HHAT: variants seen among roughly 807,000 people sequenced by gnomAD.
HHAT encodes the protein hedgehog acyltransferase.
HHAT carries 47 observed loss-of-function variants against 70.8 expected under a neutral mutation model. The ratio of observed to expected loss-of-function variants is 0.66; its 90% confidence interval spans 0.53 to 0.85. The LOEUF is 0.85. Among genes scored for constraint, HHAT ranks in the 40% least tolerant of loss-of-function variants. The pLI is 0.00. For synonymous variants in HHAT, 228 were observed against 247.6 expected (o/e 0.92, Z 0.74); for missense variants, 609 against 604.8 (o/e 1.01, Z -0.07).
chr1:210,462,625 T>A (rs2094002454), intron 7 of HHAT: 1 of 152,280 alleles, frequency 6.6e-6, no homozygotes, highest in Admixed American at 6.5e-5. Flanking sequence ...GTAGTCTGAT[T>A]TCCAAAAGTC....
intron 10 of HHAT, among the ~76,000 whole-genome samples, chr1:210,599,281 A>T (rs1449040754): frequency 3.3e-5 from 5 of 152,194 alleles, no homozygotes; most frequent in Non-Finnish European, 5.9e-5. Context: ...GCTCTAGAAC[A>T]TACCCCCACT....
At chr1:210,570,334 A>G (rs1199044139) in intron 9 of HHAT, among the ~76,000 whole-genome samples, 1 of 152,134 alleles carries the variant, frequency 6.6e-6, no homozygotes, top group African/African-American at 2.4e-5. Context: ...CTTACTCCCA[A>G]GGGGACTTTG....
At chr1:210,545,843 A>C (rs1408775374) in intron 9 of HHAT, among the ~76,000 whole-genome samples, 1 of 152,088 alleles carries the variant, frequency 6.6e-6, no homozygotes, top group African/African-American at 2.4e-5. Flanking sequence ...ACAGCTTTTC[A>C]TTTATTTCTG....
chr1:210,466,095 A>C (rs948324988), intron 8 of HHAT, among the ~76,000 whole-genome samples: 5 of 149,318 alleles, frequency 3.3e-5, no homozygotes, highest in Non-Finnish European at 7.4e-5. Flanking sequence ...AATGAATTGC[A>C]AGGAATTGCA....
intron 8 of HHAT, among the ~76,000 whole-genome samples, chr1:210,466,102 T>TGCAAGGAATCGCAAGGAATC (rs552560470): frequency 6.7e-6 from 1 of 148,258 alleles, no homozygotes; most frequent in Non-Finnish European, 1.5e-5. Flanking sequence ...TGCAAGGAAT[T>TGCAAGGAATCGCAAGGAATC]GCAAGGAATC....
chr1:210,665,019 C>T (rs933120788), intron 11 of HHAT, among the ~76,000 whole-genome samples: 1 of 152,142 alleles, frequency 6.6e-6, no homozygotes, highest in Non-Finnish European at 1.5e-5. Flanking sequence ...TTCTACTTCC[C>T]CATTGGATAT....
intron 10 of HHAT, among the ~76,000 whole-genome samples, chr1:210,619,818 C>A (rs180895616): frequency 6.6e-6 from 1 of 152,104 alleles, no homozygotes; most frequent in African/African-American, 2.4e-5. Flanking sequence ...GAGAAGAGAC[C>A]GGGACCAGAC....
At chr1:210,416,537 T>C (rs2092726098) in intron 6 of HHAT, among the ~76,000 whole-genome samples, 2 of 152,194 alleles carry the variant, frequency 1.3e-5, no homozygotes, top group Admixed American at 6.5e-5. Flanking sequence ...CCAGCATGTT[T>C]ATGAATTCTA....
intron 9 of HHAT, among the ~76,000 whole-genome samples, chr1:210,567,110 G>T (rs1253704809): frequency 6.6e-6 from 1 of 152,200 alleles, no homozygotes; most frequent in South Asian, 2.1e-4. Flanking sequence ...AACAGAGGAT[G>T]CACATCCCTG....
In HHAT at chr1:210,675,137, G is replaced by A. The variant is rs370487395; in HGVS notation, c.*758G>A. The stretch of plus-strand genomic sequence containing the variant: ...CAGAATTTAGAAACCACAGGATAGT[G>A]TACCCACAGATGGGTGTTATCAAGG... On this transcript the variant is annotated 3_prime_UTR_variant, in exon 12 of 12. Transcript: ENST00000261458. 1 of 152,196 alleles carries A rather than the reference G, an allele frequency of 6.6e-6. No individual in the cohort carries two copies. Among genetic ancestry groups the A allele is most frequent in the Non-Finnish European group, 1.5e-5 (1 of 68,048 alleles). The allele number at this position is 152,196 out of a possible 1,614,324, so 9.4% of individuals were successfully genotyped here. A position where few individuals can be genotyped will look rare whatever the true frequency, so the allele number is the denominator to read the frequency against.
At chr1:210,371,173 A>C (rs1484415466) in intron 3 of HHAT, among the ~76,000 whole-genome samples, 4 of 151,958 alleles carry the variant, frequency 2.6e-5, no homozygotes, top group Admixed American at 1.3e-4. Context: ...TTTTTTTGAG[A>C]CAGAGTCTCA....
At chr1:210,527,865 A>T (rs1454981644) in intron 9 of HHAT, among the ~76,000 whole-genome samples, 2 of 152,222 alleles carry the variant, frequency 1.3e-5, no homozygotes, top group African/African-American at 4.8e-5. Context: ...AAATGGAGAC[A>T]TTGTCACCTT....
chr1:210,591,343 C>G (rs904813025), intron 10 of HHAT, among the ~76,000 whole-genome samples: 1 of 152,112 alleles, frequency 6.6e-6, no homozygotes, highest in Non-Finnish European at 1.5e-5. Flanking sequence ...CCCTTAATTA[C>G]TTCCAGTTCC....
chr1:210,636,331 G>A (rs1183501037), intron 11 of HHAT, among the ~76,000 whole-genome samples: 1 of 152,136 alleles, frequency 6.6e-6, no homozygotes, highest in African/African-American at 2.4e-5. Context: ...TGGGAACTAG[G>A]TTTACTTCTG....
intron 9 of HHAT, among the ~76,000 whole-genome samples, chr1:210,557,057 C>A (rs2095579249): frequency 6.6e-6 from 1 of 152,160 alleles, no homozygotes; most frequent in African/African-American, 2.4e-5. Context: ...ATCAGCCCTT[C>A]CCCCTGAATG....
intron 11 of HHAT, among the ~76,000 whole-genome samples, chr1:210,635,988 G>A (rs1253745032): frequency 6.6e-6 from 1 of 152,158 alleles, no homozygotes; most frequent in African/African-American, 2.4e-5. Context: ...TTTCAGGTTC[G>A]TCTTTTGTTT....
chr1:210,434,815 G>A (rs1036561756), intron 7 of HHAT, among the ~76,000 whole-genome samples: 10 of 151,682 alleles, frequency 6.6e-5, no homozygotes, highest in Non-Finnish European at 8.8e-5. Context: ...GAAAATACAG[G>A]TAATCGTTTA....
intron 3 of HHAT, 149 bp from the exon 4 acceptor site, chr1:210,387,319 G>A (rs931181613): frequency 1.5e-6 from 1 of 655,342 alleles, no homozygotes; most frequent in Non-Finnish European, 2.7e-6. Context: ...GAGTGTACAG[G>A]TGGGTGGGGA....
chr1:210,579,223 TAACA>T (rs1658623040), intron 9 of HHAT, among the ~76,000 whole-genome samples: 1 of 152,212 alleles, frequency 6.6e-6, no homozygotes, highest in Admixed American at 6.5e-5. Flanking sequence ...ATTATCTGTA[TAACA>T]AACCCCTGTG....
Sources: gnomAD v4.1 joint callset for allele counts (sites outside exome capture counted in the v4.1 genomes callset) on GRCh38, gnomAD v4.1.1 for gene constraint, MANE v1.5 for transcripts, NCBI Gene and HGNC (gene_info 2026-07-23, HGNC 2026-07-21) for gene names.